PLCH1: variants seen among roughly 807,000 people sequenced by gnomAD.
PLCH1 encodes the protein phospholipase C eta 1.
A neutral mutation model predicts 126.7 loss-of-function variants in PLCH1; 60 were observed. The observed-to-expected ratio is 0.47, with a 90% CI of 0.38 to 0.59. PLCH1 has a LOEUF of 0.59. Among genes scored for constraint, PLCH1 ranks in the 20% least tolerant of loss-of-function variants. The pLI, the probability that PLCH1 is intolerant of heterozygous loss-of-function variation, is 0.00. For synonymous variants in PLCH1, 719 were observed against 734.9 expected (o/e 0.98, Z 0.35); for missense variants, 1,723 against 2,040.0 (o/e 0.84, Z 2.99).
At chr3:155,462,718 TTCAGCTAC>T (rs1185587149) in intron 21 of PLCH1, among the ~76,000 whole-genome samples, 1 of 152,190 alleles carries the variant, frequency 6.6e-6, no homozygotes, top group East Asian at 1.9e-4. Flanking sequence ...TTTGCATTGT[TTCAGCTAC>T]TCAGCTACTC....
intron 2 of PLCH1, among the ~76,000 whole-genome samples, chr3:155,668,601 C>G (rs987015076): frequency 6.6e-6 from 1 of 152,022 alleles, no homozygotes; most frequent in Non-Finnish European, 1.5e-5. Context: ...AAATAAGAAA[C>G]GTGAGCCTAG....
intron 1 of PLCH1, among the ~76,000 whole-genome samples, chr3:155,710,694 G>A (rs776853781): frequency 9.9e-5 from 15 of 151,920 alleles, no homozygotes; most frequent in African/African-American, 3.1e-4. Context: ...TTAGCCAGTC[G>A]TGTTAGCATG....
intron 2 of PLCH1, among the ~76,000 whole-genome samples, chr3:155,662,423 G>T (rs894206194): frequency 2.0e-5 from 3 of 151,840 alleles, no homozygotes; most frequent in Non-Finnish European, 4.4e-5. Flanking sequence ...AGCTATAATC[G>T]CACCACTGCA....
chr3:155,655,026 T>C (rs1259881054), intron 2 of PLCH1, among the ~76,000 whole-genome samples: 1 of 152,208 alleles, frequency 6.6e-6, no homozygotes, highest in Non-Finnish European at 1.5e-5. Context: ...TTGCACTTGC[T>C]CTGTTCTCTT....
chr3:155,627,154 C>T (rs953010671), intron 2 of PLCH1, among the ~76,000 whole-genome samples: 11 of 152,154 alleles, frequency 7.2e-5, no homozygotes, highest in African/African-American at 2.2e-4. Context: ...GAATTAGCGA[C>T]GTTATTTGAA....
intron 2 of PLCH1, among the ~76,000 whole-genome samples, chr3:155,615,805 T>C (rs1016688253): frequency 6.6e-6 from 1 of 152,116 alleles, no homozygotes; most frequent in Non-Finnish European, 1.5e-5. Context: ...AGACTGCACA[T>C]TGGGTACAGT....
intron 1 of PLCH1, among the ~76,000 whole-genome samples, chr3:155,723,513 G>A (rs191193373): frequency 1.6e-4 from 25 of 152,098 alleles, no homozygotes; most frequent in African/African-American, 5.8e-4. Context: ...TCCTTGAGGT[G>A]TGACCTTAGA....
At chr3:155,470,653 A>C (rs1713170759) in intron 21 of PLCH1, among the ~76,000 whole-genome samples, 3 of 152,154 alleles carry the variant, frequency 2.0e-5, no homozygotes, top group Admixed American at 2.0e-4. Context: ...AATGAAGGAA[A>C]AAATGTTAAG....
chr3:155,636,102 G>GCCCCAACTT (rs1175312331), intron 2 of PLCH1, among the ~76,000 whole-genome samples: 1 of 152,004 alleles, frequency 6.6e-6, no homozygotes, highest in African/African-American at 2.4e-5. Context: ...TTTCAAAAGT[G>GCCCCAACTT]CCCCAACTTC....
At chr3:155,632,026 G>A (rs1738099895) in intron 2 of PLCH1, among the ~76,000 whole-genome samples, 2 of 151,592 alleles carry the variant, frequency 1.3e-5, no homozygotes, top group Admixed American at 1.3e-4. Context: ...CCAGAAATGT[G>A]AGGATCCAAG....
At position 155,482,661 on chromosome 3, in the gene PLCH1, T is replaced by C; in HGVS notation, c.3365A>G (p.His1122Arg). 2 of 1,614,068 alleles carry C rather than the reference T, an allele frequency of 1.2e-6. No homozygotes were observed. Among genetic ancestry groups the C allele is most frequent in the Non-Finnish European group, 1.7e-6 (2 of 1,179,914 alleles). Reference protein sequence around the residue: ...KSILSGSVLSHSNLEIKNLEG... With the variant: ...KSILSGSVLSRSNLEIKNLEG... ...CAGGTTCTTAATTTCTAGGTTGCTA[T>C]GAGAAAGGACGCTTCCTGACAAGAT... Residue 1122 changes from histidine (H) to arginine (R), a missense_variant, in exon 23 of 23, where the codon CAT becomes CGT. By Grantham distance (29) the His-to-Arg change is conservative. Around this residue, in one of 2 missense-constraint regions of PLCH1, gnomAD observed 947 missense variants for 977.1 expected, o/e 0.97. Transcript: ENST00000460012.
At chr3:155,490,172 T>A (rs1715959021) in intron 19 of PLCH1, among the ~76,000 whole-genome samples, 2 of 152,124 alleles carry the variant, frequency 1.3e-5, no homozygotes, top group Non-Finnish European at 2.9e-5. Context: ...CACAAGAGAT[T>A]GAGGAAAAAT....
intron 2 of PLCH1, among the ~76,000 whole-genome samples, chr3:155,608,842 T>G (rs1228421508): frequency 1.3e-5 from 2 of 152,088 alleles, no homozygotes. Flanking sequence ...AACCAGAATA[T>G]TTATCCTGGC....
intron 1 of PLCH1, among the ~76,000 whole-genome samples, chr3:155,715,756 G>T (rs1351132274): frequency 6.6e-6 from 1 of 151,746 alleles, no homozygotes; most frequent in East Asian, 1.9e-4. Flanking sequence ...AGAACTACAG[G>T]TGTACACCAC....
intron 2 of PLCH1, among the ~76,000 whole-genome samples, chr3:155,652,545 C>A (rs1430830723): frequency 6.6e-6 from 1 of 152,164 alleles, no homozygotes; most frequent in Non-Finnish European, 1.5e-5. Flanking sequence ...TTGAACATAG[C>A]ACTACATTTT....
At chr3:155,629,914 A>G (rs1262135851) in intron 2 of PLCH1, among the ~76,000 whole-genome samples, 2 of 151,958 alleles carry the variant, frequency 1.3e-5, no homozygotes, top group African/African-American at 4.8e-5. Context: ...TGTATGCCTT[A>G]CTCCTTTTTT....
chr3:155,581,045 G>A (rs935629072), intron 6 of PLCH1, among the ~76,000 whole-genome samples: 2 of 152,078 alleles, frequency 1.3e-5, no homozygotes, highest in South Asian at 2.1e-4. Flanking sequence ...CATTAATAGC[G>A]TCTCAAATCC....
chr3:155,593,789 G>T, intron 4 of PLCH1, 152 bp downstream of exon 4: 1 of 702,096 alleles, frequency 1.4e-6, no homozygotes, highest in Non-Finnish European at 2.3e-6. Flanking sequence ...TGGAGTGAGA[G>T]TCAGGAGGGG....
chr3:155,736,298 C>T (rs1481670465), intron 1 of PLCH1, among the ~76,000 whole-genome samples: 2 of 152,108 alleles, frequency 1.3e-5, no homozygotes, highest in African/African-American at 4.8e-5. Flanking sequence ...ACTTTCAATC[C>T]AAAACCTATT....
Sources: gnomAD v4.1 joint callset for allele counts (sites outside exome capture counted in the v4.1 genomes callset) on GRCh38, gnomAD v4.1.1 for gene constraint, gnomAD v4.1.1 regional missense constraint, MANE v1.5 for transcripts, NCBI Gene and HGNC (gene_info 2026-07-23, HGNC 2026-07-21) for gene names.